Variants in FAM78A observed in about 807,000 individuals in gnomAD.
FAM78A encodes family with sequence similarity 78 member A, also known as protein FAM78A.
A neutral mutation model predicts 22.6 loss-of-function variants in FAM78A; 12 were observed. The observed-to-expected ratio is 0.53, with a 90% CI of 0.34 to 0.86. The LOEUF (loss-of-function observed/expected upper bound fraction) is 0.86, where lower values mean the gene tolerates loss of function less well. Ranked by LOEUF, FAM78A falls within the 40% of genes least tolerant of loss-of-function variation. The pLI is 0.02. For missense variants in FAM78A, 322 were observed against 396.1 expected, an observed-to-expected ratio of 0.81 and a Z score of 1.59; for synonymous variants, 151 against 155.8, an observed-to-expected ratio of 0.97 and a Z score of 0.23.
rs1835251245 is a variant in FAM78A at position 131,260,669 on chromosome 9, G to A, written c.*153C>T. On this transcript the variant is annotated 3_prime_UTR_variant, in exon 2 of 2. Transcript: ENST00000372271. The surrounding 1 kb of genome is among the most constrained non-coding windows in gnomAD (Gnocchi z 5.4). Reference sequence around the variant, plus strand: ...GAAAGGAAGCAGGTGCCGAGAGCCGGGGAGGCCTTCCCGGGGGCATCAGCA... The same window carrying A: ...GAAAGGAAGCAGGTGCCGAGAGCCGAGGAGGCCTTCCCGGGGGCATCAGCA... 1.1e-6 allele frequency: 1 copy of A among 874,268 alleles called. No individual in the cohort carries two copies. Among genetic ancestry groups the A allele is most frequent in the Non-Finnish European group, 1.6e-6 (1 of 606,902 alleles). 54.2% of individuals were successfully genotyped at this position (874,268 alleles called of 1,614,324 possible).
At position 131,264,361 on chromosome 9, in the gene FAM78A, C is replaced by T. The variant is rs1426314183; in HGVS notation, c.324-3011G>A. 23 of 527,524 alleles carry T rather than the reference C, an allele frequency of 4.4e-5. 1 individual carries two copies. The highest frequency in any genetic ancestry group is 2.1e-4 in the South Asian group (8 of 38,270). The allele number at this position is 527,524 out of a possible 1,614,324, so 32.7% of individuals were successfully genotyped here. A position where few individuals can be genotyped will look rare whatever the true frequency, so the allele number is the denominator to read the frequency against. On this transcript the variant is annotated intron_variant, in intron 1 of 1. Transcript: ENST00000372271. ...GCAGACAGCACTGCGTCACGCGGGGCATGGCTCAGGGCCAGGGCCAAATCG... is the reference window on the plus strand; with the variant it reads ...GCAGACAGCACTGCGTCACGCGGGGTATGGCTCAGGGCCAGGGCCAAATCG...
chr9:131,262,049 A>C (rs969880353), intron 1 of FAM78A, among the ~76,000 whole-genome samples: 6 of 151,948 alleles, frequency 3.9e-5, no homozygotes, highest in Non-Finnish European at 7.4e-5. Flanking sequence ...CAACATGGTG[A>C]AACCTCGTCT....
chr9:131,277,639 CT>C (rs1220714394), upstream of FAM78A, among the ~76,000 whole-genome samples: 7 of 151,752 alleles, frequency 4.6e-5, no homozygotes, highest in East Asian at 1.4e-3. The surrounding 1 kb of genome is among the most constrained non-coding windows in gnomAD (Gnocchi z 8.4). Context: ...CCCCCACCCC[CT>C]TCCCCGGGCA....
In FAM78A at chr9:131,274,357, C is replaced by A. The variant is rs902368226; in HGVS notation, c.323+1500G>T. 2.0e-5 allele frequency among the ~76,000 whole-genome samples: 3 copies of A among 152,224 alleles called. No individual in the cohort carries two copies. The highest frequency in any genetic ancestry group is 6.5e-5 in the Admixed American group (1 of 15,288). Reference sequence around the variant, plus strand: ...ACAACTGTCCCGATGCCTTCAAAGCCCGAGGAGGTTTCTGGGCTTAAGCGT... The same window carrying A: ...ACAACTGTCCCGATGCCTTCAAAGCACGAGGAGGTTTCTGGGCTTAAGCGT... On this transcript the variant is annotated intron_variant, in intron 1 of 1. Coordinates refer to ENST00000372271, the MANE Select transcript of FAM78A (RefSeq NM_033387.4). This position sits in a 1 kb window ranked among gnomAD's most constrained non-coding sequence, Gnocchi z 4.2.
chr9:131,276,253 A>G lies in FAM78A; in HGVS notation c.-74T>C. On this transcript the variant is annotated 5_prime_UTR_variant, in exon 1 of 2. The change abolishes an upstream ATG in the 5' untranslated region. Transcript: ENST00000372271. This position sits in a 1 kb window ranked among gnomAD's most constrained non-coding sequence, Gnocchi z 4.3. ...ATCTCAACTCTCAAGACCGATATCC[A>G]TAGGATAGAAAACTCACTGAGTAGA... 1 of 1,300,124 alleles carries G rather than the reference A, an allele frequency of 7.7e-7. No homozygotes were observed. Among genetic ancestry groups the G allele is most frequent in the Non-Finnish European group, 1.1e-6 (1 of 937,650 alleles). The allele number at this position is 1,300,124 out of a possible 1,614,324, so 80.5% of individuals were successfully genotyped here.
chr9:131,276,162 A>G lies in FAM78A; in HGVS notation c.18T>C (p.Cys6=). 1 of 1,612,258 alleles carries G rather than the reference A, an allele frequency of 6.2e-7. No homozygotes were observed. The highest frequency in any genetic ancestry group is 1.1e-5 in the South Asian group (1 of 91,056). The change falls in exon 1 of 2, where the codon TGT becomes TGC. Residue 6 remains cysteine, a synonymous_variant. Transcript: ENST00000372271. The surrounding 1 kb of genome is among the most constrained non-coding windows in gnomAD (Gnocchi z 4.3). ...TGATCTCCAGGGAAGGCCAGCAGTC[A>G]CAGAAAAAACCAGGCATTGAAAGGA... MPGFF[C]DCWPSLEIRA...
rs1318079096 is a variant in FAM78A at position 131,272,414 on chromosome 9, G to A, written c.323+3443C>T. Reference sequence around the variant, plus strand: ...GGGATGTGCTCCTGGCATGGAGTGGGTAGAGGCCAGGGATGCTGCCCAGCC... The same window carrying A: ...GGGATGTGCTCCTGGCATGGAGTGGATAGAGGCCAGGGATGCTGCCCAGCC... On this transcript the variant is annotated intron_variant, in intron 1 of 1. Transcript: ENST00000372271. The surrounding 1 kb of genome is among the most constrained non-coding windows in gnomAD (Gnocchi z 4.1). Among the ~76,000 whole-genome samples the A allele has an allele frequency of 1.3e-5, 2 of 152,204 alleles. No individual in the cohort carries two copies. Among genetic ancestry groups the A allele is most frequent in the Non-Finnish European group, 2.9e-5 (2 of 68,032 alleles).
rs966029054 is a variant in FAM78A, at chr9:131,264,550, G to A, written c.324-3200C>T. On this transcript the variant is annotated intron_variant, in intron 1 of 1. Coordinates refer to ENST00000372271, the MANE Select transcript of FAM78A (RefSeq NM_033387.4). ...ACAATCCGCCAACATCTGCCTGCCC[G>A]GTTTTTGTGATGATTAAATGTACTG... The A allele has an allele frequency of 5.6e-5, 40 of 714,742 alleles. 1 individual carries two copies. The highest frequency in any genetic ancestry group is 4.3e-4 in the East Asian group (16 of 37,166). 44.3% of individuals were successfully genotyped at this position (714,742 alleles called of 1,614,324 possible). A position where few individuals can be genotyped will look rare whatever the true frequency, so the allele number is the denominator to read the frequency against.
At chr9:131,269,600 C>G (rs1011239083) in intron 1 of FAM78A, among the ~76,000 whole-genome samples, 1 of 152,030 alleles carries the variant, frequency 6.6e-6, no homozygotes, top group African/African-American at 2.4e-5. Flanking sequence ...CCTCAGCCTT[C>G]TGAGTAGCTG....
Position 131,275,861 on chromosome 9 carries a change from C to T in FAM78A, c.319G>A (p.Gly107Ser). ...CTGGCTCTCGGCCGTACTCACATGC[C>T]CTGCTCGCCGTACTGGTTGTAGAAC... ...MEFYNQYGEQ[G>S]MSSWELPDLQ... Residue 107 changes from glycine (G) to serine (S), a missense_variant, in exon 1 of 2, where the codon GGC becomes AGC. Physicochemically the swap from Gly to Ser is moderately conservative, Grantham distance 56. Coordinates refer to ENST00000372271, the MANE Select transcript of FAM78A (RefSeq NM_033387.4). The surrounding 1 kb of genome is among the most constrained non-coding windows in gnomAD (Gnocchi z 4.6). The T allele has an allele frequency of 2.5e-6, 4 of 1,586,156 alleles. No homozygotes were observed. Among genetic ancestry groups the T allele is most frequent in the Non-Finnish European group, 3.4e-6 (4 of 1,164,024 alleles).
intron 1 of FAM78A, among the ~76,000 whole-genome samples, chr9:131,267,976 C>T (rs914091641): frequency 2.7e-5 from 4 of 149,064 alleles, no homozygotes; most frequent in South Asian, 4.3e-4. Context: ...GGCATGAACC[C>T]GGGAGGCGGA....
At chr9:131,280,150 C>T (rs942352518), upstream of FAM78A, among the ~76,000 whole-genome samples, 2 of 152,194 alleles carry the variant, frequency 1.3e-5, no homozygotes, top group African/African-American at 2.4e-5. Flanking sequence ...GCCTGTTTGC[C>T]GGCTTTGAGC....
In FAM78A at chr9:131,274,903, T is replaced by C. The variant is rs959514891; in HGVS notation, c.323+954A>G. 2.6e-5 allele frequency among the ~76,000 whole-genome samples: 4 copies of C among 152,082 alleles called. No homozygotes were observed. Among genetic ancestry groups the C allele is most frequent in the African/African-American group, 9.7e-5 (4 of 41,392 alleles). ...GTCAGCGGCCAGTCACGGGGCCGCA[T>C]GGGTGGGCTGCCCGCCGGGGCCTGC... is the stretch of plus-strand genomic sequence containing the variant. On this transcript the variant is annotated intron_variant, in intron 1 of 1. Coordinates refer to ENST00000372271, the MANE Select transcript of FAM78A (RefSeq NM_033387.4). The surrounding 1 kb of genome is among the most constrained non-coding windows in gnomAD (Gnocchi z 4.2).
At chr9:131,270,032 T>TTAAAAAAA (rs1835396769) in intron 1 of FAM78A, among the ~76,000 whole-genome samples, 16 of 34,122 alleles carry the variant, frequency 4.7e-4, no homozygotes, top group African/African-American at 1.3e-3. Context: ...CCATCCCTAC[T>TTAAAAAAA]AAAATAAAAA....
upstream of FAM78A, among the ~76,000 whole-genome samples, chr9:131,277,736 G>A (rs1475572463): frequency 1.3e-5 from 2 of 151,002 alleles, no homozygotes; most frequent in African/African-American, 4.9e-5. The surrounding 1 kb of genome is among the most constrained non-coding windows in gnomAD (Gnocchi z 8.4). Context: ...TCGGGGGGGC[G>A]GCCGGGGGCG....
chr9:131,259,935 C>A lies in FAM78A; in HGVS notation c.*887G>T, dbSNP rs1021467556. ...GGAGCCTGCCTCTCTCCTCCTAGAGCCGCCCAAGGGAAGTTAAGGCTGCTG... is the reference window on the plus strand; with the variant it reads ...GGAGCCTGCCTCTCTCCTCCTAGAGACGCCCAAGGGAAGTTAAGGCTGCTG... On this transcript the variant is annotated 3_prime_UTR_variant, in exon 2 of 2. Coordinates refer to ENST00000372271, the MANE Select transcript of FAM78A (RefSeq NM_033387.4). The A allele has an allele frequency of 6.5e-6, 1 of 152,710 alleles. No individual in the cohort carries two copies. The highest frequency in any genetic ancestry group is 2.4e-5 in the African/African-American group (1 of 41,452). The allele number at this position is 152,710 out of a possible 1,614,324, so 9.5% of individuals were successfully genotyped here.
At chr9:131,262,269 C>T (rs1340271061) in intron 1 of FAM78A, among the ~76,000 whole-genome samples, 5 of 150,526 alleles carry the variant, frequency 3.3e-5, no homozygotes, top group African/African-American at 4.9e-5. Context: ...CGAGATCACG[C>T]CATGCACTCC....
intron 1 of FAM78A, chr9:131,270,623 C>T (rs543863069): frequency 1.8e-5 from 12 of 682,842 alleles, no homozygotes; most frequent in African/African-American, 1.6e-4. Flanking sequence ...CCACCCACCC[C>T]GCCCTTGCCT....
upstream of FAM78A, among the ~76,000 whole-genome samples, chr9:131,279,303 T>A (rs1447557602): frequency 2.0e-5 from 3 of 152,236 alleles, no homozygotes; most frequent in African/African-American, 7.2e-5. Context: ...CTTCACCATG[T>A]GAAATGGCCT....
Sources: allele counts gnomAD v4.1 joint callset (sites outside exome capture counted in the v4.1 genomes callset), GRCh38; gene constraint gnomAD v4.1.1; non-coding constraint Gnocchi (gnomAD v3.1); transcripts MANE v1.5; gene names NCBI Gene and HGNC (gene_info 2026-07-23, HGNC 2026-07-21).